DNAJA1: variants seen among roughly 807,000 people sequenced by gnomAD.
DNAJA1 encodes DnaJ heat shock protein family (Hsp40) member A1, also known as dnaJ homolog subfamily A member 1.
A neutral mutation model predicts 47.6 loss-of-function variants in DNAJA1; 26 were observed. The ratio of observed to expected loss-of-function variants is 0.55; its 90% CI spans 0.40 to 0.76. The LOEUF is 0.76. Ranked by LOEUF, DNAJA1 falls within the 30% of genes least tolerant of loss-of-function variation. The probability of loss-of-function intolerance (pLI) is 0.00; values close to 1 mark genes in which losing one functional copy is unlikely to be tolerated. For missense variants in DNAJA1, 315 were observed against 485.0 expected (o/e 0.65, Z 3.29); for synonymous variants, 165 against 158.4 (o/e 1.04, Z -0.31).
chr9:33,028,796 A>T (rs935748836), intron 3 of DNAJA1, among the ~76,000 whole-genome samples: 1 of 152,220 alleles, frequency 6.6e-6, no homozygotes, highest in African/African-American at 2.4e-5. Flanking sequence ...CACTGTTCAA[A>T]ATAAGGGCAG....
At chr9:33,027,370 G>T (rs1285371164) in intron 3 of DNAJA1, among the ~76,000 whole-genome samples, 1 of 151,916 alleles carries the variant, frequency 6.6e-6, no homozygotes, top group Non-Finnish European at 1.5e-5. Flanking sequence ...GGTCACGCTG[G>T]TCTTGAACTG....
At position 33,026,476 on chromosome 9, in the gene DNAJA1, C is replaced by T; in HGVS notation, c.-9C>T. 1 of 1,599,190 alleles carries T rather than the reference C, an allele frequency of 6.3e-7. No individual in the cohort carries two copies. On this transcript the variant is annotated splice_region_variant and 5_prime_UTR_variant, in exon 2 of 9. Coordinates refer to ENST00000330899, the MANE Select transcript of DNAJA1 (RefSeq NM_001539.4). Reference sequence around the variant, plus strand: ...TAAAGTTGCATTTTCTTATTTCAGGCAGTAGAAGATGGTGAAAGAAACAAC... The same window carrying T: ...TAAAGTTGCATTTTCTTATTTCAGGTAGTAGAAGATGGTGAAAGAAACAAC...
chr9:33,031,635 A>G (rs919311547), intron 5 of DNAJA1, among the ~76,000 whole-genome samples: 1 of 151,962 alleles, frequency 6.6e-6, no homozygotes, highest in South Asian at 2.1e-4. Flanking sequence ...GGGTTTCACC[A>G]TGTTAGGCTG....
chr9:33,037,224 C>A, intron 8 of DNAJA1, 109 bp downstream of exon 8: 1 of 836,376 alleles, frequency 1.2e-6, no homozygotes, highest in Non-Finnish European at 1.8e-6. Context: ...GTAATCCCCG[C>A]ATTTTGAGAG....
chr9:33,037,136 A>G, intron 8 of DNAJA1, 21 bp downstream of exon 8: 4 of 1,594,610 alleles, frequency 2.5e-6, no homozygotes, highest in Non-Finnish European at 3.4e-6. Flanking sequence ...ATGTACTTTA[A>G]GAATACTTGA....
At chr9:33,030,064 C>T in intron 4 of DNAJA1, 75 bp downstream of exon 4, 1 of 1,350,188 alleles carries the variant, frequency 7.4e-7, no homozygotes, top group Non-Finnish European at 1.0e-6. Context: ...GGAGCTAAGA[C>T]TTCTAGATAG....
At chr9:33,030,265 TCTA>T (rs1390433129) in intron 4 of DNAJA1, among the ~76,000 whole-genome samples, 172 bp from the exon 5 acceptor site, 1 of 152,166 alleles carries the variant, frequency 6.6e-6, no homozygotes, top group Non-Finnish European at 1.5e-5. Flanking sequence ...GAAAGTGTGT[TCTA>T]ATAAGAATGA....
At chr9:33,027,127 T>G (rs1838885901) in intron 3 of DNAJA1, 137 bp downstream of exon 3, 4 of 1,074,512 alleles carry the variant, frequency 3.7e-6, no homozygotes, top group Admixed American at 5.9e-5. Context: ...TGCCTCTGAT[T>G]TATGGTGTCG....
chr9:33,025,693 C>T (rs1208212229), intron 1 of DNAJA1, among the ~76,000 whole-genome samples: 1 of 116,080 alleles, frequency 8.6e-6, no homozygotes, highest in African/African-American at 3.2e-5. Context: ...CGTGCTCGCT[C>T]GGGGTGGGGG....
At chr9:33,033,391 A>C (rs1174138631) in intron 5 of DNAJA1, among the ~76,000 whole-genome samples, 3 of 152,012 alleles carry the variant, frequency 2.0e-5, no homozygotes, top group Non-Finnish European at 4.4e-5. Context: ...TAAGGGGACT[A>C]TACTGAATAG....
At chr9:33,028,842 A>G (rs763515287) in intron 3 of DNAJA1, among the ~76,000 whole-genome samples, 1 of 152,262 alleles carries the variant, frequency 6.6e-6, no homozygotes, top group Non-Finnish European at 1.5e-5. Flanking sequence ...AGGTGGAACT[A>G]TAAGCAGAAG....
intron 5 of DNAJA1, 108 bp downstream of exon 5, chr9:33,030,775 A>G (rs768443026): frequency 1.4e-5 from 14 of 972,666 alleles, no homozygotes; most frequent in South Asian, 1.8e-5. Context: ...ATATGATCCT[A>G]TCAATCAGAA....
chr9:33,038,539 C>T (rs1241003034), intron 8 of DNAJA1, 146 bp from the exon 9 acceptor site: 2 of 690,392 alleles, frequency 2.9e-6, no homozygotes, highest in Non-Finnish European at 4.8e-6. Context: ...TGCACTGTGC[C>T]TTTTTAGAGC....
intron 6 of DNAJA1, 76 bp from the exon 7 acceptor site, chr9:33,036,498 C>A: frequency 1.0e-6 from 1 of 955,848 alleles, no homozygotes; most frequent in Non-Finnish European, 1.6e-6. Flanking sequence ...TTTTATTAAA[C>A]AAAAAAACAG....
intron 8 of DNAJA1, among the ~76,000 whole-genome samples, chr9:33,037,534 T>G (rs886642371): frequency 2.0e-5 from 3 of 151,740 alleles, no homozygotes; most frequent in Non-Finnish European, 2.9e-5. Flanking sequence ...GTACAAAAAT[T>G]AGCCAGGCAT....
Position 33,039,455 on chromosome 9 carries a change from TCTGTAGGAGGGG to T in DNAJA1, c.*553_*564del, listed in dbSNP as rs1162284279. 2.0e-5 allele frequency: 3 copies of T among 151,444 alleles called. No individual in the cohort carries two copies. The East Asian group carries it at 5.8e-4, about 29-fold the overall frequency. 9.4% of individuals were successfully genotyped at this position (151,444 alleles called of 1,614,324 possible). ...GTATCAGTGATAAAAATGATACCTT[TCTGTAGGAGGGG>T]TTTATCATAATATGCTGCTTCTTGA... On this transcript the variant is annotated 3_prime_UTR_variant, in exon 9 of 9. Coordinates refer to ENST00000330899, the MANE Select transcript of DNAJA1 (RefSeq NM_001539.4).
chr9:33,030,738 T>C (rs1354465071), intron 5 of DNAJA1, 71 bp downstream of exon 5: 20 of 1,304,232 alleles, frequency 1.5e-5, no homozygotes, highest in Non-Finnish European at 2.1e-5. Context: ...TTTATAATTG[T>C]TTAAAAATCA....
rs757800298 is a variant in DNAJA1 at position 33,038,693 on chromosome 9, T to C, written c.984T>C (p.Phe328=). Residue 328 remains phenylalanine (F), a synonymous_variant, in exon 9 of 9, where the codon TTT becomes TTC. Transcript: ENST00000330899. ...GAAAGTTTCTTTTGAAGGTAAACTT[T>C]CCTGAGAATGGCTTTCTCTCTCCTG... ...GRLIIEFKVN[F]PENGFLSPDK... is the part of the protein sequence containing the mutation. 27 of 1,613,620 alleles carry C rather than the reference T, an allele frequency of 1.7e-5. No homozygotes were observed. The highest frequency in any genetic ancestry group is 3.3e-4 in the Middle Eastern group (2 of 6,084).
chr9:33,026,152 G>A (rs1838838307), intron 1 of DNAJA1, among the ~76,000 whole-genome samples: 1 of 152,170 alleles, frequency 6.6e-6, no homozygotes, highest in Non-Finnish European at 1.5e-5. Context: ...TGCTTCTTTT[G>A]GTTACAACTG....
Sources: gnomAD v4.1 joint callset for allele counts (sites outside exome capture counted in the v4.1 genomes callset) on GRCh38, gnomAD v4.1.1 for gene constraint, MANE v1.5 for transcripts, NCBI Gene and HGNC (gene_info 2026-07-23, HGNC 2026-07-21) for gene names.